SAFB: variants seen among roughly 807,000 people sequenced by gnomAD.
The protein encoded by SAFB is scaffold attachment factor B1.
A neutral mutation model predicts 101.6 loss-of-function variants in SAFB; 15 were observed. The observed-to-expected ratio is 0.15, with a 90% CI of 0.10 to 0.23. The LOEUF is 0.23. SAFB is among the 10% of genes least tolerant of loss of function. SAFB has a pLI of 1.00. For missense variants in SAFB, 930 were observed against 1,104.1 expected (o/e 0.84, Z 2.23); for synonymous variants, 449 against 407.5 (o/e 1.10, Z -1.23).
chr19:5,665,959 G>A (rs1454523347), intron 17 of SAFB: 1 of 152,208 alleles, frequency 6.6e-6, no homozygotes, highest in East Asian at 1.9e-4. Context: ...GGTAACGTGG[G>A]ACATCGTGCA....
chr19:5,650,225 CA>C (rs2053907393), intron 8 of SAFB, among the ~76,000 whole-genome samples: 1 of 152,202 alleles, frequency 6.6e-6, no homozygotes, highest in African/African-American at 2.4e-5. Context: ...TGTAACCCTT[CA>C]TTAAATGCAT....
intron 2 of SAFB, among the ~76,000 whole-genome samples, chr19:5,633,816 A>G (rs926640436): frequency 5.9e-5 from 9 of 151,822 alleles, no homozygotes; most frequent in African/African-American, 2.2e-4. Context: ...GGGTCTTGGA[A>G]CTTAGATGTA....
chr19:5,624,649 A>G (rs999413635), intron 1 of SAFB, among the ~76,000 whole-genome samples: 1 of 150,186 alleles, frequency 6.7e-6, no homozygotes, highest in Non-Finnish European at 1.5e-5. Flanking sequence ...CGGAGATCAC[A>G]GGGCTTTATT....
chr19:5,648,258 G>C, intron 6 of SAFB: 1 of 553,936 alleles, frequency 1.8e-6, no homozygotes, highest in East Asian at 3.1e-5. Flanking sequence ...TTTACAAAAT[G>C]TATTGGTGAG....
At chr19:5,632,663 G>C (rs1329477295) in intron 2 of SAFB, among the ~76,000 whole-genome samples, 1 of 151,956 alleles carries the variant, frequency 6.6e-6, no homozygotes, top group Non-Finnish European at 1.5e-5. Flanking sequence ...AATTGTTTTG[G>C]GTTCTCCCCG....
At chr19:5,644,277 A>G (rs1309305589) in intron 4 of SAFB, among the ~76,000 whole-genome samples, 1 of 152,178 alleles carries the variant, frequency 6.6e-6, no homozygotes, top group African/African-American at 2.4e-5. Flanking sequence ...GCCTAGTTCA[A>G]TGCCTAGCAT....
intron 4 of SAFB, chr19:5,642,199 TC>T (rs2053731209): frequency 7.4e-6 from 4 of 537,000 alleles, no homozygotes; most frequent in South Asian, 6.9e-5. Flanking sequence ...TTCAGACTCT[TC>T]CTGTTGCCGG....
chr19:5,656,007 A>AAAT (rs1442113283), intron 13 of SAFB, among the ~76,000 whole-genome samples: 1 of 152,178 alleles, frequency 6.6e-6, no homozygotes, highest in Admixed American at 6.5e-5. Context: ...GGCAATACTC[A>AAAT]TTTCCATTTT....
At chr19:5,658,660 G>A (rs985807149) in intron 14 of SAFB, among the ~76,000 whole-genome samples, 3 of 151,330 alleles carry the variant, frequency 2.0e-5, no homozygotes, top group Non-Finnish European at 1.5e-5. Context: ...TGGCTAACAC[G>A]GTGAAACCCT....
intron 2 of SAFB, among the ~76,000 whole-genome samples, chr19:5,636,051 T>A (rs1207699892): frequency 1.3e-5 from 2 of 152,084 alleles, no homozygotes; most frequent in African/African-American, 4.8e-5. Flanking sequence ...TTTTGAAGAT[T>A]GCATGTTCTC....
At chr19:5,647,849 A>G (rs543614397) in intron 5 of SAFB, among the ~76,000 whole-genome samples, 167 bp from the exon 6 acceptor site, 44 of 152,298 alleles carry the variant, frequency 2.9e-4, no homozygotes, top group African/African-American at 1.0e-3. Context: ...AGTGGATGCC[A>G]GTCTTATGGA....
At chr19:5,668,114 G>A (rs372647182) in intron 20 of SAFB, 48 bp from the exon 21 acceptor site, 76 of 1,591,620 alleles carry the variant, frequency 4.8e-5, no homozygotes, top group Non-Finnish European at 6.1e-5. Flanking sequence ...GGGATGGGCC[G>A]GGGAGCAGGA....
chr19:5,653,773 G>A (rs1169980123), intron 11 of SAFB, among the ~76,000 whole-genome samples: 2 of 151,468 alleles, frequency 1.3e-5, no homozygotes, highest in African/African-American at 4.9e-5. Context: ...GGGGCAGGGT[G>A]TTTTAAACAG....
chr19:5,653,783 G>C (rs2053993144), intron 11 of SAFB, among the ~76,000 whole-genome samples: 1 of 151,702 alleles, frequency 6.6e-6, no homozygotes, highest in Non-Finnish European at 1.5e-5. Context: ...GTTTTAAACA[G>C]AATCTCACTC....
chr19:5,648,211 CA>C, intron 6 of SAFB, 168 bp downstream of exon 6: 1 of 596,862 alleles, frequency 1.7e-6, no homozygotes, highest in South Asian at 2.2e-5. Context: ...GAAACCCAGC[CA>C]TATCACCAGA....
At chr19:5,647,985 G>A in intron 5 of SAFB, 31 bp from the exon 6 acceptor site, 1 of 1,599,204 alleles carries the variant, frequency 6.3e-7, no homozygotes, top group Non-Finnish European at 8.6e-7. Context: ...TCATTCATCT[G>A]GCACAGTCTT....
At chr19:5,640,932 CTTTT>C (rs60475807) in intron 2 of SAFB, among the ~76,000 whole-genome samples, 5 of 138,286 alleles carry the variant, frequency 3.6e-5, no homozygotes, top group Admixed American at 7.2e-5. Flanking sequence ...TTTTGTTTTT[CTTTT>C]TTTTTTTTTT....
rs571807435 is a variant in SAFB at position 5,653,714 on chromosome 19, C to T, written c.1526+294C>T. Among the ~76,000 whole-genome samples, 9 of 151,230 alleles carry T rather than the reference C, an allele frequency of 6.0e-5. No homozygotes were observed. The East Asian group carries it at 1.2e-3, about 20-fold the overall frequency. On this transcript the variant is annotated intron_variant, in intron 11 of 20. Transcript: ENST00000588852. ...TCCTGACCTTGTGATCCGCCTGCCT[C>T]GGCCTCCCAAAGTGCTCGGATTACA...
intron 2 of SAFB, among the ~76,000 whole-genome samples, chr19:5,635,897 CAG>C (rs2053585290): frequency 6.6e-6 from 1 of 152,072 alleles, no homozygotes; most frequent in Non-Finnish European, 1.5e-5. Flanking sequence ...CAGTTTTTGC[CAG>C]AGAGTTATAC....
Sources: gnomAD v4.1 joint callset for allele counts (sites outside exome capture counted in the v4.1 genomes callset) on GRCh38, gnomAD v4.1.1 for gene constraint, MANE v1.5 for transcripts, NCBI Gene and HGNC (gene_info 2026-07-23, HGNC 2026-07-21) for gene names.